The following KIFC3 variants were observed in gnomAD, a reference collection of about 807,000 sequenced individuals.
The protein encoded by KIFC3 is kinesin-like protein KIFC3.
A neutral mutation model predicts 101.8 loss-of-function variants in KIFC3; 60 were observed. The ratio of observed to expected loss-of-function variants is 0.59; its 90% CI spans 0.48 to 0.73. The LOEUF is 0.73. Among genes scored for constraint, KIFC3 ranks in the 30% least tolerant of loss-of-function variants. KIFC3 has a pLI of 0.00. For missense variants in KIFC3, 966 were observed against 1,137.1 expected (o/e 0.85, Z 2.16); for synonymous variants, 476 against 482.7 (o/e 0.99, Z 0.18).
At chr16:57,774,159 T>C (rs1199276783) in intron 3 of KIFC3, 1 of 152,264 alleles carries the variant, frequency 6.6e-6, no homozygotes, top group Admixed American at 6.5e-5. Flanking sequence ...GAGGCAGAGC[T>C]TGTGCCACTT....
rs1330116815 is a variant in KIFC3 at position 57,771,227 on chromosome 16, T to C, written c.736A>G (p.Ser246Gly). ...ACAGGTGGGGACTGGGCCCGCAGGC[T>C]GGCAATGGTCTCGTGGCTGTCACGC... The part of the protein sequence containing the change: ...RLRDSHETIA[S>G]LRAQSPPVKY... The change falls in exon 6 of 20, where the codon AGC becomes GGC. Residue 246 changes from serine (S) to glycine (G), a missense_variant. Ser to Gly is a moderately conservative substitution (Grantham distance 56, BLOSUM62 0). Coordinates refer to ENST00000445690, the MANE Select transcript of KIFC3 (RefSeq NM_001130100.2). The C allele has an allele frequency of 1.2e-6, 2 of 1,613,038 alleles. No homozygotes were observed. The highest frequency in any genetic ancestry group is 2.7e-5 in the African/African-American group (2 of 75,058).
upstream of KIFC3, chr16:57,802,636 G>A: frequency 9.6e-7 from 1 of 1,040,398 alleles, no homozygotes; most frequent in Non-Finnish European, 1.2e-6. This position sits in a 1 kb window ranked among gnomAD's most constrained non-coding sequence, Gnocchi z 5.0. Context: ...CGCCCCCGCA[G>A]GTCTCCCGCC....
intron 1 of KIFC3, among the ~76,000 whole-genome samples, chr16:57,837,088 G>A (rs921421624): frequency 9.2e-5 from 14 of 152,110 alleles, no homozygotes; most frequent in East Asian, 3.9e-4. Flanking sequence ...GTGTGTATGT[G>A]TTTTGTAAGG....
At chr16:57,816,817 C>A in intron 1 of KIFC3, 1 of 447,926 alleles carries the variant, frequency 2.2e-6, no homozygotes, top group South Asian at 1.6e-5. Flanking sequence ...GGAACCCATC[C>A]CACCCCCAGT....
intron 1 of KIFC3, among the ~76,000 whole-genome samples, chr16:57,800,696 G>C (rs981244157): frequency 2.0e-5 from 3 of 152,346 alleles, no homozygotes; most frequent in African/African-American, 2.4e-5. Context: ...ATATCGGGAA[G>C]AAAGAGGAAG....
chr16:57,783,472 C>CTTT (rs146386887), intron 3 of KIFC3, among the ~76,000 whole-genome samples: 20,248 of 81,738 alleles, frequency 0.25, 1,742 homozygotes, highest in South Asian at 0.32. Flanking sequence ...ATTTTCTTTT[C>CTTT]TTTTTTTTTT....
chr16:57,824,678 G>C (rs1438445733), intron 1 of KIFC3, among the ~76,000 whole-genome samples: 2 of 152,160 alleles, frequency 1.3e-5, no homozygotes, highest in Non-Finnish European at 2.9e-5. Flanking sequence ...GCAAGACGCT[G>C]TCTCAAAGAA....
intron 1 of KIFC3, among the ~76,000 whole-genome samples, chr16:57,828,958 A>G (rs998515130): frequency 6.6e-6 from 1 of 152,166 alleles, no homozygotes; most frequent in Non-Finnish European, 1.5e-5. Context: ...CATTTTACAG[A>G]TGAGAAAACT....
chr16:57,842,354 G>A (rs1212145842), intron 1 of KIFC3, among the ~76,000 whole-genome samples: 2 of 152,200 alleles, frequency 1.3e-5, no homozygotes, highest in Non-Finnish European at 2.9e-5. Context: ...GAACGGTATG[G>A]AGTGGACATT....
At chr16:57,828,154 C>G (rs34157311) in intron 1 of KIFC3, among the ~76,000 whole-genome samples, 1 of 152,232 alleles carries the variant, frequency 6.6e-6, no homozygotes, top group Non-Finnish European at 1.5e-5. Context: ...AGAAGCCACT[C>G]TGCGCTCCTC....
At chr16:57,822,500 C>T (rs1354727477) in intron 1 of KIFC3, among the ~76,000 whole-genome samples, 7 of 152,062 alleles carry the variant, frequency 4.6e-5, no homozygotes, top group Non-Finnish European at 1.0e-4. Flanking sequence ...AGTTTGAGAC[C>T]AGCCTGCCCA....
intron 1 of KIFC3, among the ~76,000 whole-genome samples, chr16:57,834,598 A>AC (rs1170525960): frequency 1.3e-5 from 2 of 152,020 alleles, no homozygotes; most frequent in Non-Finnish European, 2.9e-5. Context: ...TGTAGCCTCA[A>AC]CCCCCTGGAC....
intron 1 of KIFC3, chr16:57,813,549 A>C (rs1197945211): frequency 1.7e-5 from 6 of 349,872 alleles, no homozygotes; most frequent in Non-Finnish European, 2.4e-5. Flanking sequence ...CCCCTGTCTT[A>C]AGTGAACAAA....
chr16:57,759,736 T>TGC lies in KIFC3; in HGVS notation c.2466_2467dup (p.Gln823ArgfsTer106). On this transcript the variant is annotated frameshift_variant, in exon 18 of 20. Coordinates refer to ENST00000445690, the MANE Select transcript of KIFC3 (RefSeq NM_001130100.2). LOFTEE classifies it high-confidence loss of function. ...TGCCACTCCAGGCTCACCCGAGGGC[T>TGC]GCAGCTTCCTCCGGATGGATCCAGG... is the stretch of plus-strand genomic sequence containing the variant. The TGC allele has an allele frequency of 6.2e-7, 1 of 1,609,376 alleles. No homozygotes were observed. The highest frequency in any genetic ancestry group is 1.1e-5 in the South Asian group (1 of 90,276).
chr16:57,764,275 T>TGGGGGGGGGTGGGGGGGGGGG, intron 11 of KIFC3, 28 bp from the exon 12 acceptor site: 2 of 539,932 alleles, frequency 3.7e-6, no homozygotes, highest in East Asian at 4.6e-5. Flanking sequence ...GGGAGGCTGG[T>TGGGGGGGGGTGGGGGGGGGGG]GGGGGGGCTT....
chr16:57,788,334 T>C (rs2053543794), intron 3 of KIFC3, among the ~76,000 whole-genome samples: 1 of 152,208 alleles, frequency 6.6e-6, no homozygotes, highest in Non-Finnish European at 1.5e-5. Flanking sequence ...CTCTTATCAC[T>C]GGGTGGGGCC....
At chr16:57,855,307 T>C (rs904154367) in intron 1 of KIFC3, among the ~76,000 whole-genome samples, 3 of 151,952 alleles carry the variant, frequency 2.0e-5, no homozygotes, top group Admixed American at 2.0e-4. Flanking sequence ...GTATTTTTAA[T>C]AGAAATAGGA....
intron 1 of KIFC3, among the ~76,000 whole-genome samples, chr16:57,857,912 C>T (rs571902591): frequency 4.5e-4 from 66 of 148,180 alleles, no homozygotes; most frequent in Non-Finnish European, 8.2e-4. Flanking sequence ...CTGCAACTTC[C>T]GCCTCCTGGG....
At chr16:57,846,773 CCTT>C (rs1358061859) in intron 1 of KIFC3, among the ~76,000 whole-genome samples, 1 of 152,154 alleles carries the variant, frequency 6.6e-6, no homozygotes, top group African/African-American at 2.4e-5. Flanking sequence ...TTTTGAGAAA[CCTT>C]CTACTTATAT....
Sources: gnomAD v4.1 joint callset for allele counts (sites outside exome capture counted in the v4.1 genomes callset) on GRCh38, gnomAD v4.1.1 for gene constraint, Gnocchi (gnomAD v3.1) non-coding constraint, MANE v1.5 for transcripts, NCBI Gene and HGNC (gene_info 2026-07-23, HGNC 2026-07-21) for gene names.